The following PPARGC1A variants were observed in gnomAD, a reference collection of about 807,000 sequenced individuals.
PPARGC1A encodes peroxisome proliferator-activated receptor gamma coactivator 1-alpha.
PPARGC1A carries 25 observed loss-of-function variants against 88.7 expected under a neutral mutation model. The observed-to-expected ratio is 0.28, with a 90% CI of 0.21 to 0.39. The LOEUF (loss-of-function observed/expected upper bound fraction) is 0.39. PPARGC1A is among the 10% of genes least tolerant of loss of function. The probability of loss-of-function intolerance (pLI) is 1.00; values close to 1 mark genes in which losing one functional copy is unlikely to be tolerated. For synonymous variants in PPARGC1A, 363 were observed against 355.6 expected (o/e 1.02, Z -0.24); for missense variants, 880 against 968.7 (o/e 0.91, Z 1.22).
At chr4:24,329,404 T>G in the PPARGC1A span, among the ~76,000 whole-genome samples, 2 of 152,144 alleles carry the variant, frequency 1.3e-5, no homozygotes, top group Non-Finnish European at 2.9e-5. Context: ...GGGTCCTACC[T>G]GCCTCTCCAG....
the PPARGC1A span, among the ~76,000 whole-genome samples, chr4:24,151,619 A>C: frequency 4.6e-5 from 7 of 152,196 alleles, no homozygotes; most frequent in Non-Finnish European, 7.4e-5. Context: ...TATATTGATT[A>C]AACATATTAA....
At chr4:23,835,463 G>A (rs925496019) in intron 2 of PPARGC1A, among the ~76,000 whole-genome samples, 5 of 123,094 alleles carry the variant, frequency 4.1e-5, no homozygotes, top group Non-Finnish European at 3.4e-5. Context: ...TTAGCATGGC[G>A]GCTTGTGTGT....
At chr4:24,231,741 T>G in the PPARGC1A span, among the ~76,000 whole-genome samples, 1 of 152,192 alleles carries the variant, frequency 6.6e-6, no homozygotes, top group East Asian at 1.9e-4. Flanking sequence ...TATGTGCTTT[T>G]TTTTTTCTTC....
At chr4:23,931,915 G>A in the PPARGC1A span, among the ~76,000 whole-genome samples, 11 of 152,082 alleles carry the variant, frequency 7.2e-5, no homozygotes, top group African/African-American at 1.7e-4. Flanking sequence ...CTCACCTTGC[G>A]GAGCCTCAGT....
chr4:24,036,940 T>A, the PPARGC1A span, among the ~76,000 whole-genome samples: 1 of 152,364 alleles, frequency 6.6e-6, no homozygotes, highest in Admixed American at 6.5e-5. Context: ...TATTTGCTAT[T>A]AATATTGGCT....
At chr4:24,414,640 G>A in the PPARGC1A span, among the ~76,000 whole-genome samples, 1 of 152,190 alleles carries the variant, frequency 6.6e-6, no homozygotes, top group African/African-American at 2.4e-5. Context: ...TAATTTGTTT[G>A]CAGTGAGGCC....
intron 7 of PPARGC1A, among the ~76,000 whole-genome samples, chr4:23,823,345 A>T (rs1723350574): frequency 6.6e-6 from 1 of 151,990 alleles, no homozygotes; most frequent in Admixed American, 6.6e-5. Flanking sequence ...TACAAGAAAG[A>T]TGAATCAATA....
At chr4:24,344,387 T>C in the PPARGC1A span, among the ~76,000 whole-genome samples, 1 of 152,058 alleles carries the variant, frequency 6.6e-6, no homozygotes, top group Non-Finnish European at 1.5e-5. Context: ...GTGTTCCCTG[T>C]TCACTACATC....
the PPARGC1A span, among the ~76,000 whole-genome samples, chr4:24,438,435 T>C: frequency 1.3e-5 from 2 of 152,200 alleles, no homozygotes; most frequent in African/African-American, 2.4e-5. Context: ...ATCCAAAATT[T>C]GAGTCTCCAT....
chr4:23,947,354 T>TTG, the PPARGC1A span, among the ~76,000 whole-genome samples: 1,280 of 16,176 alleles, frequency 0.079, 61 homozygotes, highest in African/African-American at 0.16. Context: ...TATATAGTGA[T>TTG]ATATATATAT....
At chr4:23,992,658 T>C in the PPARGC1A span, among the ~76,000 whole-genome samples, 4 of 99,194 alleles carry the variant, frequency 4.0e-5, no homozygotes, top group Non-Finnish European at 8.4e-5. Flanking sequence ...ACAAGCTGCA[T>C]GTTCCCATTT....
the PPARGC1A span, among the ~76,000 whole-genome samples, chr4:24,439,239 A>G: frequency 2.0e-5 from 3 of 152,168 alleles, no homozygotes; most frequent in East Asian, 1.9e-4. Context: ...TCCAACCCCT[A>G]AGGCTAAACG....
chr4:24,122,159 C>T, the PPARGC1A span, among the ~76,000 whole-genome samples: 43 of 152,214 alleles, frequency 2.8e-4, no homozygotes, highest in African/African-American at 1.0e-3. Flanking sequence ...GGCTGGCGAG[C>T]TGGTGAGAGC....
chr4:23,811,035 G>A (rs1014597999), intron 10 of PPARGC1A, among the ~76,000 whole-genome samples: 5 of 152,126 alleles, frequency 3.3e-5, no homozygotes, highest in Non-Finnish European at 4.4e-5. Context: ...AGAAAAATGA[G>A]GCAAATTGTT....
chr4:24,384,782 A>G, the PPARGC1A span, among the ~76,000 whole-genome samples: 1 of 152,198 alleles, frequency 6.6e-6, no homozygotes, highest in African/African-American at 2.4e-5. Context: ...AGACTCCCAC[A>G]CAATAATAGT....
chr4:24,208,968 G>T, the PPARGC1A span, among the ~76,000 whole-genome samples: 4 of 152,156 alleles, frequency 2.6e-5, no homozygotes, highest in Admixed American at 2.6e-4. Flanking sequence ...GCAGAATGCA[G>T]ATTTGAATAC....
the PPARGC1A span, among the ~76,000 whole-genome samples, chr4:23,929,098 A>T: frequency 3.9e-5 from 6 of 152,030 alleles, no homozygotes; most frequent in Non-Finnish European, 7.3e-5. Flanking sequence ...TATGTAACAA[A>T]CCTACACATC....
chr4:23,991,565 A>G, the PPARGC1A span, among the ~76,000 whole-genome samples: 1 of 152,042 alleles, frequency 6.6e-6, no homozygotes, highest in Non-Finnish European at 1.5e-5. Context: ...GCAGTGACAT[A>G]CAAGAGCCTA....
chr4:23,825,030 G>T (rs1005051526), intron 5 of PPARGC1A: 1 of 159,304 alleles, frequency 6.3e-6, no homozygotes, highest in Admixed American at 6.1e-5. Context: ...TGTGGGCATT[G>T]ATCCAGATGG....
Sources: gnomAD v4.1 joint callset for allele counts (sites outside exome capture counted in the v4.1 genomes callset) on GRCh38, gnomAD v4.1.1 for gene constraint, MANE v1.5 for transcripts, NCBI Gene and HGNC (gene_info 2026-07-23, HGNC 2026-07-21) for gene names.